Variants in RALGAPA1 observed in about 807,000 individuals in gnomAD.
RALGAPA1 encodes ral GTPase-activating protein subunit alpha-1.
A neutral mutation model predicts 269.6 loss-of-function variants in RALGAPA1; 52 were observed. The observed-to-expected ratio is 0.19, with a 90% CI of 0.15 to 0.24. RALGAPA1 has a LOEUF of 0.24. Ranked by LOEUF, RALGAPA1 falls within the 10% of genes least tolerant of loss-of-function variation. The pLI is 1.00. For synonymous variants in RALGAPA1, 817 were observed against 1,008.3 expected, an observed-to-expected ratio of 0.81 and a Z score of 3.60; for missense variants, 1,917 against 3,013.9, an observed-to-expected ratio of 0.64 and a Z score of 8.52.
intron 33 of RALGAPA1, among the ~76,000 whole-genome samples, chr14:35,630,652 T>C (rs2139668960): frequency 6.6e-6 from 1 of 152,204 alleles, no homozygotes; most frequent in South Asian, 2.1e-4. Context: ...CCCAGCACTT[T>C]GGGAAGCTGA....
At chr14:35,808,705 G>C (rs774659317) in intron 1 of RALGAPA1, 25 bp downstream of exon 1, 7 of 1,599,748 alleles carry the variant, frequency 4.4e-6, no homozygotes, top group Non-Finnish European at 6.0e-6. Flanking sequence ...CCCAGGCCTC[G>C]GCGCTGCCAC....
chr14:35,706,675 A>G (rs1272474084), intron 16 of RALGAPA1: 1 of 141,240 alleles, frequency 7.1e-6, no homozygotes, highest in Non-Finnish European at 1.5e-5. Flanking sequence ...TAGAGAGTGC[A>G]GGGGCACAAT....
chr14:35,604,044 G>A (rs2059438515), intron 36 of RALGAPA1, among the ~76,000 whole-genome samples: 1 of 152,046 alleles, frequency 6.6e-6, no homozygotes, highest in African/African-American at 2.4e-5. Flanking sequence ...GAAGTGATGG[G>A]TATCCTAAAT....
chr14:35,702,632 C>G (rs1444213923), intron 16 of RALGAPA1, among the ~76,000 whole-genome samples: 1 of 151,048 alleles, frequency 6.6e-6, no homozygotes, highest in East Asian at 1.9e-4. Context: ...TTGGTCAGAG[C>G]AAAGACACAA....
Position 35,539,635 on chromosome 14 carries a change from C to T in RALGAPA1, c.*79G>A, listed in dbSNP as rs763164034. 1.2e-6 allele frequency: 2 copies of T among 1,614,112 alleles called. No individual in the cohort carries two copies. Among genetic ancestry groups the T allele is most frequent in the South Asian group, 2.2e-5 (2 of 91,074 alleles). ...GAGACATTGGAGAGGCCAGGTCAGC[C>T]CCATCTACCTGCGTTGCTGTGGGAG... On this transcript the variant is annotated 3_prime_UTR_variant, in exon 42 of 42. Coordinates refer to ENST00000680220, the MANE Select transcript of RALGAPA1 (RefSeq NM_001346249.2).
chr14:35,804,820 T>G (rs1282291631), intron 1 of RALGAPA1, among the ~76,000 whole-genome samples: 1 of 151,064 alleles, frequency 6.6e-6, no homozygotes, highest in African/African-American at 2.4e-5. Flanking sequence ...TCCCAGCTAC[T>G]AGGGAGGTAG....
rs1337796059 is a variant in RALGAPA1, at chr14:35,689,156, ACT to A, written c.3253_3254del (p.Ser1085CysfsTer4). ...CAGTGATTTTTTCATTAATTTGCAC[ACT>A]CTTAAGCTTTTCAACTAGTGTTACA... ...VDVTLVEKLK[S>X]VQINEKITVP... On this transcript the variant is annotated frameshift_variant, in exon 18 of 42. Coordinates refer to ENST00000680220, the MANE Select transcript of RALGAPA1 (RefSeq NM_001346249.2). LOFTEE classifies it high-confidence loss of function. The A allele has an allele frequency of 4.9e-6, 6 of 1,233,704 alleles. No individual in the cohort carries two copies. Among genetic ancestry groups the A allele is most frequent in the Non-Finnish European group, 6.1e-6 (6 of 989,118 alleles). 76.4% of individuals were successfully genotyped at this position (1,233,704 alleles called of 1,614,324 possible).
intron 22 of RALGAPA1, chr14:35,677,681 A>C (rs28670021): frequency 0.12 from 42,071 of 350,008 alleles, 2,726 homozygotes; most frequent in Middle Eastern, 0.16. Context: ...AAACACTACC[A>C]ATATCAATAA....
At chr14:35,564,503 T>G (rs188957342) in intron 39 of RALGAPA1, 3 of 152,162 alleles carry the variant, frequency 2.0e-5, no homozygotes, top group Non-Finnish European at 1.5e-5. Context: ...GTAGCAGAGC[T>G]TGAGGGAGAA....
rs35666359 is a variant in RALGAPA1, at chr14:35,801,079, CCA to C, written c.106+7649_106+7650del. 5.4e-3 allele frequency among the ~76,000 whole-genome samples: 764 copies of C among 142,130 alleles called. 3 individuals carry two copies. Among genetic ancestry groups the C allele is most frequent in the Middle Eastern group, 0.022 (6 of 272 alleles). The allele number at this position is 142,130 out of a possible 152,430, so 93.2% of individuals were successfully genotyped here. On this transcript the variant is annotated intron_variant, in intron 1 of 41. Coordinates refer to ENST00000680220, the MANE Select transcript of RALGAPA1 (RefSeq NM_001346249.2). ...ACATCAATTAAAAAAAAAAAAAAAA[CCA>C]CACACACACGGAAAAATCAATAAAA... is the stretch of plus-strand genomic sequence containing the variant.
chr14:35,669,823 T>C (rs548480331), intron 26 of RALGAPA1, among the ~76,000 whole-genome samples: 2 of 152,310 alleles, frequency 1.3e-5, no homozygotes, highest in African/African-American at 4.8e-5. Context: ...TATCCCTCTG[T>C]ATTCCACCTA....
At chr14:35,575,530 A>G (rs1369720166) in intron 37 of RALGAPA1, among the ~76,000 whole-genome samples, 1 of 152,186 alleles carries the variant, frequency 6.6e-6, no homozygotes, top group Non-Finnish European at 1.5e-5. Flanking sequence ...TGATAAGTAG[A>G]CATCCTGCCT....
chr14:35,646,617 A>G (rs2139930645), intron 31 of RALGAPA1, among the ~76,000 whole-genome samples: 1 of 152,338 alleles, frequency 6.6e-6, no homozygotes, highest in Non-Finnish European at 1.5e-5. Flanking sequence ...AGAAGGCTAA[A>G]GAGACATTAT....
chr14:35,566,124 C>G (rs1230103082), intron 39 of RALGAPA1, among the ~76,000 whole-genome samples: 3 of 152,070 alleles, frequency 2.0e-5, no homozygotes, highest in Admixed American at 2.0e-4. Flanking sequence ...CCAGACCCCT[C>G]CCCTGCCTGA....
intron 30 of RALGAPA1, among the ~76,000 whole-genome samples, chr14:35,653,307 C>T (rs1031266031): frequency 6.6e-6 from 1 of 152,116 alleles, no homozygotes; most frequent in Non-Finnish European, 1.5e-5. Context: ...AATATTAGTT[C>T]CCATCTGTCC....
chr14:35,702,636 G>A (rs888711536), intron 16 of RALGAPA1, among the ~76,000 whole-genome samples: 1 of 150,686 alleles, frequency 6.6e-6, no homozygotes, highest in Non-Finnish European at 1.5e-5. Flanking sequence ...TCAGAGCAAA[G>A]ACACAAATAC....
intron 33 of RALGAPA1, among the ~76,000 whole-genome samples, chr14:35,634,120 G>T (rs899303206): frequency 1.3e-5 from 2 of 151,980 alleles, no homozygotes; most frequent in Admixed American, 6.5e-5. Flanking sequence ...ATATCAAAAA[G>T]AACTTCTAAG....
At chr14:35,643,290 C>A (rs2062155723) in intron 31 of RALGAPA1, among the ~76,000 whole-genome samples, 1 of 151,834 alleles carries the variant, frequency 6.6e-6, no homozygotes, top group Non-Finnish European at 1.5e-5. Flanking sequence ...ATGTAACAAA[C>A]CTGCACATTG....
At chr14:35,549,089 A>G in intron 40 of RALGAPA1, 21 bp downstream of exon 40, 1 of 1,610,300 alleles carries the variant, frequency 6.2e-7, no homozygotes, top group Non-Finnish European at 8.5e-7. Flanking sequence ...ACAAGTAACT[A>G]ATACTCGCTT....
Sources: gnomAD v4.1 joint callset for allele counts (sites outside exome capture counted in the v4.1 genomes callset) on GRCh38, gnomAD v4.1.1 for gene constraint, MANE v1.5 for transcripts, NCBI Gene and HGNC (gene_info 2026-07-23, HGNC 2026-07-21) for gene names.